Variants in CACNA1E observed in about 807,000 individuals in gnomAD.
CACNA1E encodes the protein voltage-dependent R-type calcium channel subunit alpha-1E.
In CACNA1E, 40 loss-of-function variants were observed where a neutral mutation model predicts 259.2. The observed-to-expected ratio is 0.15, with a 90% confidence interval of 0.12 to 0.20. The LOEUF is 0.20. Ranked by LOEUF, CACNA1E falls within the 10% of genes least tolerant of loss-of-function variation. The pLI is 1.00. For synonymous variants in CACNA1E, 1,104 were observed against 1,138.5 expected, an observed-to-expected ratio of 0.97 and a Z score of 0.61; for missense variants, 1,874 against 3,040.1, an observed-to-expected ratio of 0.62 and a Z score of 9.02.
chr1:181,620,906 C>T (rs930729505), intron 6 of CACNA1E, among the ~76,000 whole-genome samples: 1 of 151,884 alleles, frequency 6.6e-6, no homozygotes, highest in Non-Finnish European at 1.5e-5. Flanking sequence ...GCAGGTTGTA[C>T]ATAAACAACT....
chr1:181,793,917 C>A, intron 45 of CACNA1E, 124 bp downstream of exon 45: 1 of 1,073,330 alleles, frequency 9.3e-7, no homozygotes, highest in Non-Finnish European at 1.3e-6. Context: ...ATAAATAAAA[C>A]CTGGCTCATG....
At chr1:181,365,299 G>T (rs1654184497) in intron 1 of CACNA1E, among the ~76,000 whole-genome samples, 1 of 152,172 alleles carries the variant, frequency 6.6e-6, no homozygotes, top group African/African-American at 2.4e-5. Context: ...TCCCACGTAG[G>T]TGGGACTATG....
rs537315974 is a variant in CACNA1E at position 181,776,409 on chromosome 1, A to C, written c.5267+181A>C. The C allele has an allele frequency of 2.8e-5, 17 of 600,610 alleles. No homozygotes were observed. The South Asian group carries it at 3.1e-4, about 11-fold the overall frequency. The allele number at this position is 600,610 out of a possible 1,614,324, so 37.2% of individuals were successfully genotyped here. ...CAAGCCAGTCACCAAGGACTTCTGTATCCTCCTTTCCCCTCTCTTTCCTTC... is the reference window on the plus strand; with the variant it reads ...CAAGCCAGTCACCAAGGACTTCTGTCTCCTCCTTTCCCCTCTCTTTCCTTC... On this transcript the variant is annotated intron_variant, in intron 38 of 47. Coordinates refer to ENST00000367573, the MANE Select transcript of CACNA1E (RefSeq NM_001205293.3). The surrounding 1 kb of genome is among the most constrained non-coding windows in gnomAD (Gnocchi z 4.4).
At position 181,758,116 on chromosome 1, in the gene CACNA1E, GAGGA is replaced by G; in HGVS notation, c.4494+6_4494+9del. ...ACTGTTGTGCTGATGATGAAGGTGA[GAGGA>G]GAGAGGCACAAGAGCCGACTGAGCC... On this transcript the variant is annotated splice_donor_region_variant and intron_variant, in intron 31 of 47. Transcript: ENST00000367573. The surrounding 1 kb of genome is among the most constrained non-coding windows in gnomAD (Gnocchi z 4.2). 2 of 1,612,742 alleles carry G rather than the reference GAGGA, an allele frequency of 1.2e-6. No homozygotes were observed. Among genetic ancestry groups the G allele is most frequent in the Non-Finnish European group, 1.7e-6 (2 of 1,179,340 alleles).
intron 1 of CACNA1E, among the ~76,000 whole-genome samples, chr1:181,491,153 C>T (rs1458384899): frequency 6.6e-6 from 1 of 152,206 alleles, no homozygotes; most frequent in African/African-American, 2.4e-5. Context: ...CAATTTCCAG[C>T]TGTGTTCTCC....
chr1:181,718,018 A>C (rs1654066868), intron 11 of CACNA1E, 37 bp from the exon 12 acceptor site: 2 of 1,034,316 alleles, frequency 1.9e-6, no homozygotes, highest in African/African-American at 3.1e-5. Context: ...AGCCCACCCC[A>C]CATGTGGAAC....
intron 32 of CACNA1E, 137 bp downstream of exon 32, chr1:181,759,005 T>A: frequency 1.7e-6 from 1 of 602,080 alleles, no homozygotes. Flanking sequence ...GACTGCTCAG[T>A]AAACTGCCGT....
chr1:181,701,937 C>T (rs1308091302), intron 7 of CACNA1E, among the ~76,000 whole-genome samples: 1 of 151,954 alleles, frequency 6.6e-6, no homozygotes, highest in Non-Finnish European at 1.5e-5. Flanking sequence ...CAGTTAACAT[C>T]TTTCTAGCAT....
rs75902548 is a variant in CACNA1E, at chr1:181,675,175, C to T, written c.1055+23734C>T. 9.2e-3 allele frequency among the ~76,000 whole-genome samples: 1,408 copies of T among 152,260 alleles called. 17 individuals are homozygous for T. Among genetic ancestry groups the T allele is most frequent in the African/African-American group, 0.033 (1,357 of 41,550 alleles). ...GGACTAACAAATGACAAATAAGACA[C>T]AGCATGTTCGTGGTTTATATAAGCA... is the stretch of plus-strand genomic sequence containing the variant. On this transcript the variant is annotated intron_variant, in intron 7 of 47. Transcript: ENST00000367573.
intron 6 of CACNA1E, among the ~76,000 whole-genome samples, chr1:181,643,999 G>T (rs996354715): frequency 6.6e-6 from 1 of 152,164 alleles, no homozygotes; most frequent in Non-Finnish European, 1.5e-5. Flanking sequence ...GGCCTGACAG[G>T]CTCAGCCTCC....
Position 181,776,200 on chromosome 1 carries a change from G to T in CACNA1E, c.5239G>T (p.Val1747Phe), listed in dbSNP as rs368636412. The T allele has an allele frequency of 6.2e-7, 1 of 1,614,030 alleles. No individual in the cohort carries two copies. Residue 1747 changes from valine (V) to phenylalanine (F), a missense_variant, in exon 38 of 48, where the codon GTC becomes TTC. Around this residue, in one of 14 missense-constraint regions of CACNA1E, gnomAD observed 147 missense variants for 337.1 expected, o/e 0.44. Coordinates refer to ENST00000367573, the MANE Select transcript of CACNA1E (RefSeq NM_001205293.3). This position sits in a 1 kb window ranked among gnomAD's most constrained non-coding sequence, Gnocchi z 4.4. ...TCACCACTTGGACGAGTTTGTCCGCGTCTGGGCAGAATATGACCGAGCAGC... is the reference window on the plus strand; with the variant it reads ...TCACCACTTGGACGAGTTTGTCCGCTTCTGGGCAGAATATGACCGAGCAGC... ...GPHHLDEFVR[V>F]WAEYDRAACG...
Position 181,734,688 on chromosome 1 carries a change from T to C in CACNA1E, c.3262+938T>C, listed in dbSNP as rs114988922. On this transcript the variant is annotated intron_variant, in intron 21 of 47. Transcript: ENST00000367573. ...ACACCCTACCCTTGCCCTGACCCCA[T>C]ACCCGATCCCTGCCCTGACCCCACA... 4.1e-4 allele frequency among the ~76,000 whole-genome samples: 49 copies of C among 120,626 alleles called. 1 individual carries two copies. Among genetic ancestry groups the C allele is most frequent in the African/African-American group, 1.2e-3 (36 of 30,324 alleles). 79.1% of individuals were successfully genotyped at this position (120,626 alleles called of 152,430 possible).
intron 1 of CACNA1E, among the ~76,000 whole-genome samples, chr1:181,325,991 C>G (rs1048072428): frequency 7.2e-5 from 11 of 152,210 alleles, no homozygotes; most frequent in African/African-American, 2.4e-4. Flanking sequence ...GCACTGGCCA[C>G]ACATCCTCGC....
In CACNA1E at chr1:181,338,324, A is replaced by C. The variant is rs540075373; in HGVS notation, c.-15+20201A>C. On this transcript the variant is annotated intron_variant, in intron 1 of 11. Transcript: ENST00000524607. ...TGGTCTTGAACTCTTGCCTCAAGTG[A>C]TCTGCCCGTCTCAGCCTCCCAAAAT... Among the ~76,000 whole-genome samples the C allele has an allele frequency of 7.6e-4, 115 of 152,232 alleles. 1 individual carries two copies. The South Asian group carries it at 0.02, about 26-fold the overall frequency.
intron 6 of CACNA1E, among the ~76,000 whole-genome samples, chr1:181,586,674 TGCAAATA>T (rs1652102194): frequency 2.6e-5 from 4 of 152,244 alleles, no homozygotes; most frequent in Admixed American, 6.5e-5. Context: ...TAGAGTATCT[TGCAAATA>T]ATTTCTTGGT....
At chr1:181,338,706 TG>T (rs1651911967) in intron 1 of CACNA1E, among the ~76,000 whole-genome samples, 1 of 152,170 alleles carries the variant, frequency 6.6e-6, no homozygotes, top group Non-Finnish European at 1.5e-5. Context: ...CCTAAGCTTT[TG>T]GTGTGATATT....
Position 181,717,290 on chromosome 1 carries a change from A to G in CACNA1E, c.1513A>G (p.Thr505Ala). The G allele has an allele frequency of 6.2e-7, 1 of 1,613,154 alleles. No individual in the cohort carries two copies. Among genetic ancestry groups the G allele is most frequent in the Non-Finnish European group, 8.5e-7 (1 of 1,179,594 alleles). ...CCATCACAACCAGCCCCAGTGGCTC[A>G]CCCACCTCCTCTGTAAGTAAAGCCT... is the stretch of plus-strand genomic sequence containing the variant. ...IVHHNQPQWLTHLLYYAEFLF... is the reference protein window; with the variant it reads ...IVHHNQPQWLAHLLYYAEFLF... Residue 505 changes from threonine to alanine, a missense_variant, in exon 11 of 48, where the codon ACC (threonine) becomes GCC (alanine). By Grantham distance (58) the Thr-to-Ala change is moderately conservative. Around this residue, in one of 14 missense-constraint regions of CACNA1E, gnomAD observed 157 missense variants for 203.5 expected, o/e 0.77. Transcript: ENST00000367573.
chr1:181,578,012 G>T, intron 4 of CACNA1E, 143 bp downstream of exon 4: 1 of 479,614 alleles, frequency 2.1e-6, no homozygotes. Context: ...TGGAGATGGA[G>T]CAATCTGGTG....
intron 7 of CACNA1E, among the ~76,000 whole-genome samples, chr1:181,662,260 A>T (rs1360781930): frequency 6.6e-6 from 1 of 152,208 alleles, no homozygotes; most frequent in Non-Finnish European, 1.5e-5. Flanking sequence ...ACAAGACTCT[A>T]AGTGTCGTTT....
Sources: gnomAD v4.1 joint callset for allele counts (sites outside exome capture counted in the v4.1 genomes callset) on GRCh38, gnomAD v4.1.1 for gene constraint, gnomAD v4.1.1 regional missense constraint, Gnocchi (gnomAD v3.1) non-coding constraint, MANE v1.5 for transcripts, NCBI Gene and HGNC (gene_info 2026-07-23, HGNC 2026-07-21) for gene names.